Variants in INPP4A observed in about 807,000 individuals in gnomAD.
The protein encoded by INPP4A is inositol polyphosphate-4-phosphatase type I A, also known as inositol polyphosphate-4-phosphatase, type I, 107kD.
Under a neutral mutation model 119.8 loss-of-function variants are expected in INPP4A, and 33 were observed. That is an observed-to-expected ratio of 0.28 (90% confidence interval 0.21 to 0.37). INPP4A has a LOEUF of 0.37. INPP4A is among the 10% of genes least tolerant of loss of function. The pLI is 1.00. For missense variants in INPP4A, 956 were observed against 1,289.9 expected, an observed-to-expected ratio of 0.74 and a Z score of 3.97; for synonymous variants, 496 against 500.7, an observed-to-expected ratio of 0.99 and a Z score of 0.12.
In INPP4A at chr2:98,592,593, C is replaced by T. The variant is rs911698624; in HGVS notation, c.*4985C>T. The T allele has an allele frequency of 3.3e-5, 5 of 152,324 alleles. No homozygotes were observed. Among genetic ancestry groups the T allele is most frequent in the African/African-American group, 1.2e-4 (5 of 41,570 alleles). 9.4% of individuals were successfully genotyped at this position (152,324 alleles called of 1,614,324 possible). ...GACAGAAAAAAAAGCAAAATAGCATCCTTTTCTGAGAGGTATATGCTGACC... is the reference window on the plus strand; with the variant it reads ...GACAGAAAAAAAAGCAAAATAGCATTCTTTTCTGAGAGGTATATGCTGACC... On this transcript the variant is annotated 3_prime_UTR_variant, in exon 25 of 25. Transcript: ENST00000409851.
rs918314726 is a variant in INPP4A at position 98,587,829 on chromosome 2, T to C, written c.*221T>C. On this transcript the variant is annotated 3_prime_UTR_variant, in exon 25 of 25. Transcript: ENST00000409851. Reference sequence around the variant, plus strand: ...GTAATGTTTGGCTCAATAGTGTGGATAGTAACAACTGCCTATTTAAATTAA... The same window carrying C: ...GTAATGTTTGGCTCAATAGTGTGGACAGTAACAACTGCCTATTTAAATTAA... 4.8e-6 allele frequency: 2 copies of C among 420,910 alleles called. No homozygotes were observed. The highest frequency in any genetic ancestry group is 4.1e-5 in the African/African-American group (2 of 48,228). 26.1% of individuals were successfully genotyped at this position (420,910 alleles called of 1,614,324 possible).
intron 4 of INPP4A, among the ~76,000 whole-genome samples, chr2:98,530,626 T>C (rs1689042298): frequency 6.6e-6 from 1 of 152,230 alleles, no homozygotes; most frequent in Non-Finnish European, 1.5e-5. Flanking sequence ...AAATCTTGTC[T>C]GGAGAAAGCA....
chr2:98,482,556 C>T (rs1678686041), intron 1 of INPP4A, among the ~76,000 whole-genome samples: 1 of 152,218 alleles, frequency 6.6e-6, no homozygotes, highest in Non-Finnish European at 1.5e-5. Flanking sequence ...CTGTGGGCCT[C>T]TGTGCAATGG....
intron 1 of INPP4A, among the ~76,000 whole-genome samples, chr2:98,502,222 C>T (rs1683258584): frequency 6.6e-6 from 1 of 152,204 alleles, no homozygotes; most frequent in African/African-American, 2.4e-5. Context: ...CTGCCAGAGG[C>T]CTGCCCACAG....
rs529950399 is a variant in INPP4A at position 98,447,685 on chromosome 2, T to G, written c.-166+2600T>G. Among the ~76,000 whole-genome samples the G allele has an allele frequency of 3.9e-5, 6 of 152,302 alleles. No individual in the cohort carries two copies. The East Asian group carries it at 1.2e-3, about 29-fold the overall frequency. ...ATTCTCTTGTATTCCTGTGTGTTAC[T>G]ACTTTTTCCTGAACTGCTTAATAGT... On this transcript the variant is annotated intron_variant, in intron 1 of 24. Coordinates refer to ENST00000409851, the MANE Select transcript of INPP4A (RefSeq NM_001134225.2).
rs1458314183 is a variant in INPP4A, at chr2:98,555,660, C to T, written c.1674C>T (p.Phe558=). Residue 558 remains phenylalanine (F), a synonymous_variant, in exon 16 of 25, where the codon TTC becomes TTT. Transcript: ENST00000409851. The part of the protein sequence containing the change: ...RLHGEGCEDV[F]PCAGSCTSKK... ...ATGGCGAGGGCTGTGAGGATGTCTT[C>T]CCCTGTGCAGGCAGCTGCACCAGCA... The T allele has an allele frequency of 1.2e-6, 2 of 1,613,832 alleles. No individual in the cohort carries two copies. Among genetic ancestry groups the T allele is most frequent in the Non-Finnish European group, 1.7e-6 (2 of 1,179,892 alleles).
In INPP4A at chr2:98,592,455, A is replaced by G. The variant is rs1457890791; in HGVS notation, c.*4847A>G. The stretch of plus-strand genomic sequence containing the variant: ...GGGCAGAGCTGGCTTATCGGGATCC[A>G]TGATGGTTTTTACACTTTTAAAAGT... On this transcript the variant is annotated 3_prime_UTR_variant, in exon 25 of 25. Transcript: ENST00000409851. 1.3e-5 allele frequency: 2 copies of G among 152,196 alleles called. No homozygotes were observed. The highest frequency in any genetic ancestry group is 2.9e-5 in the Non-Finnish European group (2 of 68,040). The allele number at this position is 152,196 out of a possible 1,614,324, so 9.4% of individuals were successfully genotyped here.
intron 1 of INPP4A, among the ~76,000 whole-genome samples, chr2:98,459,077 A>G (rs1696666275): frequency 6.6e-6 from 1 of 152,252 alleles, no homozygotes; most frequent in Admixed American, 6.5e-5. Context: ...ACACCAAGTC[A>G]GGATTGCATA....
chr2:98,530,328 G>A lies in INPP4A; in HGVS notation c.152-3049G>A, dbSNP rs1205815478. ...CAGTGGTTCCCAAGAGAAAGGCCAA[G>A]AGAAAGGATTAGATGGATTAGACAC... is the stretch of plus-strand genomic sequence containing the variant. On this transcript the variant is annotated intron_variant, in intron 4 of 24. Transcript: ENST00000409851. 3.3e-5 allele frequency among the ~76,000 whole-genome samples: 5 copies of A among 152,096 alleles called. No individual in the cohort carries two copies. In the South Asian group the frequency reaches 8.3e-4, roughly 25 times the overall value.
chr2:98,493,870 G>T (rs1346581555), intron 1 of INPP4A, among the ~76,000 whole-genome samples: 1 of 152,100 alleles, frequency 6.6e-6, no homozygotes, highest in Non-Finnish European at 1.5e-5. Flanking sequence ...AATTTTATTG[G>T]GATTCACTTC....
intron 3 of INPP4A, among the ~76,000 whole-genome samples, chr2:98,520,415 A>G (rs1391344129): frequency 6.6e-6 from 1 of 152,168 alleles, no homozygotes; most frequent in South Asian, 2.1e-4. Flanking sequence ...GTAGTGTGGG[A>G]ATGTCCAAGT....
rs75314086 is a variant in INPP4A, at chr2:98,512,755, A to C, written c.-165-6209A>C. The stretch of plus-strand genomic sequence containing the variant: ...GTTTTCAACACAGGAACTTTGGAGA[A>C]CACGTTCAAACTGTATCAAGAGCCT... On this transcript the variant is annotated intron_variant, in intron 1 of 24. Coordinates refer to ENST00000409851, the MANE Select transcript of INPP4A (RefSeq NM_001134225.2). 6.6e-3 allele frequency among the ~76,000 whole-genome samples: 1,006 copies of C among 152,294 alleles called. 16 individuals carry two copies. Among genetic ancestry groups the C allele is most frequent in the African/African-American group, 0.023 (941 of 41,564 alleles).
At chr2:98,541,076 C>T (rs1182720381) in intron 10 of INPP4A, among the ~76,000 whole-genome samples, 2 of 152,124 alleles carry the variant, frequency 1.3e-5, no homozygotes, top group African/African-American at 4.8e-5. Context: ...GCCTGTAATC[C>T]CAGCACTTTG....
chr2:98,577,236 C>G, intron 24 of INPP4A, 93 bp downstream of exon 24: 1 of 1,302,196 alleles, frequency 7.7e-7, no homozygotes. Context: ...CAGGGCCTAC[C>G]CTGCATGAGC....
chr2:98,548,996 G>A, intron 13 of INPP4A: 1 of 1,608,702 alleles, frequency 6.2e-7, no homozygotes, highest in Non-Finnish European at 8.5e-7. Flanking sequence ...TGGAGAGAGT[G>A]TCTGTTTGGG....
In INPP4A at chr2:98,568,600, T is replaced by C. The variant is rs772660121; in HGVS notation, c.2450T>C (p.Ile817Thr). Residue 817 changes from isoleucine (I) to threonine (T), a missense_variant, in exon 22 of 25, where the codon ATC (isoleucine) becomes ACC (threonine). Physicochemically the swap from Ile to Thr is moderately conservative, Grantham distance 89. This residue lies in a region of INPP4A where 304 missense variants were observed against 492.1 expected (regional missense o/e 0.62). Coordinates refer to ENST00000409851, the MANE Select transcript of INPP4A (RefSeq NM_001134225.2). ...RFGDTSLQEVINVESLVRLNS... is the reference protein window; with the variant it reads ...RFGDTSLQEVTNVESLVRLNS... ...GGCGATACGTCTTTACAAGAAGTCA[T>C]CAACGTGGAGAGTTTGGTGCGGTTA... The C allele has an allele frequency of 6.2e-7, 1 of 1,602,678 alleles. No homozygotes were observed. Among genetic ancestry groups the C allele is most frequent in the Non-Finnish European group, 8.5e-7 (1 of 1,173,750 alleles).
chr2:98,447,029 G>A (rs1395414959), intron 1 of INPP4A, among the ~76,000 whole-genome samples: 1 of 152,172 alleles, frequency 6.6e-6, no homozygotes, highest in African/African-American at 2.4e-5. Flanking sequence ...CTCTTCAAAT[G>A]CACACGGGAA....
chr2:98,484,445 A>C (rs1020149769), intron 1 of INPP4A, among the ~76,000 whole-genome samples: 8 of 152,070 alleles, frequency 5.3e-5, no homozygotes, highest in South Asian at 2.1e-4. Flanking sequence ...CAAAGTCCAG[A>C]ATGCAGTCAC....
At chr2:98,451,295 G>T (rs1316517520) in intron 1 of INPP4A, among the ~76,000 whole-genome samples, 1 of 152,194 alleles carries the variant, frequency 6.6e-6, no homozygotes, top group Non-Finnish European at 1.5e-5. Flanking sequence ...AACTTGTTCA[G>T]TGAGGCTCAC....
Sources: gnomAD v4.1 joint callset for allele counts (sites outside exome capture counted in the v4.1 genomes callset) on GRCh38, gnomAD v4.1.1 for gene constraint, gnomAD v4.1.1 regional missense constraint, MANE v1.5 for transcripts, NCBI Gene and HGNC (gene_info 2026-07-23, HGNC 2026-07-21) for gene names.